Variants in MYOF observed in about 807,000 individuals in gnomAD.
The protein encoded by MYOF is fer-1-like 3, myoferlin.
A neutral mutation model predicts 284.2 loss-of-function variants in MYOF; 244 were observed. That is an observed-to-expected ratio of 0.86 (90% CI 0.77 to 0.95). The LOEUF (loss-of-function observed/expected upper bound fraction) is 0.95, where lower values mean the gene tolerates loss of function less well. Ranked by LOEUF, MYOF falls within the 40% of genes least tolerant of loss-of-function variation. The pLI is 0.00. For missense variants in MYOF, 2,496 were observed against 2,560.6 expected (o/e 0.97, Z 0.54); for synonymous variants, 904 against 919.7 (o/e 0.98, Z 0.31).
At chr10:93,339,307 G>A (rs1009887769) in intron 39 of MYOF, among the ~76,000 whole-genome samples, 2 of 151,690 alleles carry the variant, frequency 1.3e-5, no homozygotes, top group African/African-American at 2.4e-5. Flanking sequence ...CACCACTCCC[G>A]GCCTTAAAAG....
At position 93,397,511 on chromosome 10, in the gene MYOF, T is replaced by C. The variant is rs571416156; in HGVS notation, c.1222-55A>G. On this transcript the variant is annotated intron_variant, in intron 13 of 53. Transcript: ENST00000359263. The stretch of plus-strand genomic sequence containing the variant: ...TTTTCAAGTTTCTAATTTCTAAAAG[T>C]TTACAATCTATGCATACTAGATTAT... 14 of 1,398,282 alleles carry C rather than the reference T, an allele frequency of 1.0e-5. No homozygotes were observed. The African/African-American group carries it at 1.8e-4, about 18-fold the overall frequency. The allele number at this position is 1,398,282 out of a possible 1,614,324, so 86.6% of individuals were successfully genotyped here.
In MYOF at chr10:93,366,387, C is replaced by G. The variant is rs1432069218; in HGVS notation, c.2753+5G>C. ...TCCTTTTTACTCAGAAAATGGACAACTTACCTTCTTTCAGGATCAACTATC... is the reference window on the plus strand; with the variant it reads ...TCCTTTTTACTCAGAAAATGGACAAGTTACCTTCTTTCAGGATCAACTATC... On this transcript the variant is annotated splice_donor_5th_base_variant and intron_variant, in intron 26 of 53. Coordinates refer to ENST00000359263, the MANE Select transcript of MYOF (RefSeq NM_013451.4). 2 of 1,610,254 alleles carry G rather than the reference C, an allele frequency of 1.2e-6. No homozygotes were observed. Among genetic ancestry groups the G allele is most frequent in the East Asian group, 4.5e-5 (2 of 44,856 alleles).
intron 5 of MYOF, among the ~76,000 whole-genome samples, chr10:93,410,711 C>A (rs1847866697): frequency 1.3e-5 from 2 of 152,184 alleles, no homozygotes; most frequent in African/African-American, 4.8e-5. Context: ...GTAATCTGTA[C>A]AATATAATCT....
intron 1 of MYOF, among the ~76,000 whole-genome samples, chr10:93,461,306 C>T (rs757612216): frequency 6.6e-5 from 10 of 152,160 alleles, no homozygotes; most frequent in Non-Finnish European, 1.2e-4. Flanking sequence ...ATTCTTCCAC[C>T]CAACAAATGT....
chr10:93,466,635 G>T (rs1170644675), intron 1 of MYOF, among the ~76,000 whole-genome samples: 1 of 152,188 alleles, frequency 6.6e-6, no homozygotes. Context: ...GACTGCCTTG[G>T]TGTTTGTGTT....
intron 19 of MYOF, among the ~76,000 whole-genome samples, chr10:93,382,259 G>A (rs1233065305): frequency 6.6e-6 from 1 of 150,440 alleles, no homozygotes; most frequent in Non-Finnish European, 1.5e-5. Flanking sequence ...TTTTTTTTGA[G>A]ACAGGGTCTC....
intron 24 of MYOF, among the ~76,000 whole-genome samples, chr10:93,371,035 G>A (rs1215285402): frequency 6.6e-6 from 1 of 150,524 alleles, no homozygotes; most frequent in African/African-American, 2.4e-5. Flanking sequence ...TTTCTGATAA[G>A]TGATATTAAC....
chr10:93,338,382 C>T (rs748293387), intron 39 of MYOF: 3 of 456,668 alleles, frequency 6.6e-6, no homozygotes, highest in South Asian at 4.6e-5. Flanking sequence ...AAGTTCCTTC[C>T]TTTATGTTAT....
intron 3 of MYOF, among the ~76,000 whole-genome samples, chr10:93,441,640 T>C (rs1223875646): frequency 6.7e-6 from 1 of 150,366 alleles, no homozygotes; most frequent in Non-Finnish European, 1.5e-5. Flanking sequence ...CTCGGCTCAC[T>C]GCAACCTCTG....
chr10:93,474,121 A>C (rs184967343), intron 1 of MYOF, among the ~76,000 whole-genome samples: 6 of 152,200 alleles, frequency 3.9e-5, no homozygotes, highest in Admixed American at 3.9e-4. Flanking sequence ...TAATTTAATC[A>C]GGTTGTTTCC....
At chr10:93,397,838 C>G (rs1419671060) in intron 13 of MYOF, among the ~76,000 whole-genome samples, 2 of 152,054 alleles carry the variant, frequency 1.3e-5, no homozygotes, top group Non-Finnish European at 2.9e-5. Context: ...CTACCCCAAA[C>G]TGACTCTTGT....
intron 1 of MYOF, among the ~76,000 whole-genome samples, chr10:93,461,389 G>A (rs936771057): frequency 6.6e-6 from 1 of 152,188 alleles, no homozygotes; most frequent in African/African-American, 2.4e-5. Flanking sequence ...GCCCTCAGGG[G>A]GTCTAGTGGG....
chr10:93,348,158 A>T (rs982966428), intron 36 of MYOF, among the ~76,000 whole-genome samples: 1 of 152,138 alleles, frequency 6.6e-6, no homozygotes. Context: ...TCACTGCCCT[A>T]TACTCTTCCC....
At chr10:93,407,947 CCT>C (rs58407642) in intron 7 of MYOF, among the ~76,000 whole-genome samples, 11,736 of 152,034 alleles carry the variant, frequency 0.077, 1,390 homozygotes, top group East Asian at 0.64. Flanking sequence ...GACATCATGT[CCT>C]CTCTCATAAG....
chr10:93,357,364 G>A (rs1202820642), intron 29 of MYOF, among the ~76,000 whole-genome samples: 6 of 152,106 alleles, frequency 3.9e-5, no homozygotes, highest in East Asian at 1.9e-4. Context: ...TAACAAATTC[G>A]TGTGGTACTT....
At chr10:93,479,326 C>T (rs1466681008) in intron 1 of MYOF, among the ~76,000 whole-genome samples, 1 of 152,068 alleles carries the variant, frequency 6.6e-6, no homozygotes, top group Non-Finnish European at 1.5e-5. Flanking sequence ...CTGCCCCACT[C>T]CACACTATGA....
At chr10:93,479,937 A>G (rs1248819466) in intron 1 of MYOF, among the ~76,000 whole-genome samples, 1 of 152,200 alleles carries the variant, frequency 6.6e-6, no homozygotes, top group Non-Finnish European at 1.5e-5. Context: ...ACTTAGATAT[A>G]TTTTTCATCA....
rs1844908284 is a variant in MYOF at position 93,358,341 on chromosome 10, A to T, written c.3120+1492T>A. Among the ~76,000 whole-genome samples, 3 of 152,218 alleles carry T rather than the reference A, an allele frequency of 2.0e-5. No homozygotes were observed. The South Asian group carries it at 6.2e-4, about 32-fold the overall frequency. ...TGTGGAGAAATAGGAAAGCTTTTAC[A>T]CTGTTGGTGGGAGTGTAAATTAGTT... On this transcript the variant is annotated intron_variant, in intron 29 of 53. Coordinates refer to ENST00000359263, the MANE Select transcript of MYOF (RefSeq NM_013451.4).
At chr10:93,343,574 G>A (rs787696) in intron 38 of MYOF, among the ~76,000 whole-genome samples, 48,883 of 152,062 alleles carry the variant, frequency 0.32, 9,058 homozygotes, top group Middle Eastern at 0.45. Flanking sequence ...TGATATCTAG[G>A]TCCCTCTCCC....
Sources: allele counts gnomAD v4.1 joint callset (sites outside exome capture counted in the v4.1 genomes callset), GRCh38; gene constraint gnomAD v4.1.1; transcripts MANE v1.5; gene names NCBI Gene and HGNC (gene_info 2026-07-23, HGNC 2026-07-21).